The following AP3B1 variants were observed in gnomAD, a reference collection of about 807,000 sequenced individuals.
AP3B1 encodes the protein AP-3 complex subunit beta-1.
In AP3B1, 61 loss-of-function variants were observed where a neutral mutation model predicts 132.5. The observed-to-expected ratio is 0.46, with a 90% CI of 0.37 to 0.57. The LOEUF is 0.57. Ranked by LOEUF, AP3B1 falls within the 20% of genes least tolerant of loss-of-function variation. The pLI is 0.00. For missense variants in AP3B1, 1,120 were observed against 1,289.4 expected, an observed-to-expected ratio of 0.87 and a Z score of 2.01; for synonymous variants, 388 against 438.3, an observed-to-expected ratio of 0.89 and a Z score of 1.43.
chr5:78,159,995 T>C (rs1265879480), intron 13 of AP3B1, among the ~76,000 whole-genome samples: 2 of 152,176 alleles, frequency 1.3e-5, no homozygotes, highest in Non-Finnish European at 2.9e-5. Context: ...GGTGCACAGG[T>C]AGACTGGGTA....
At chr5:78,276,795 G>C (rs1327130403) in intron 1 of AP3B1, among the ~76,000 whole-genome samples, 1 of 151,876 alleles carries the variant, frequency 6.6e-6, no homozygotes, top group African/African-American at 2.4e-5. Context: ...CTTGAGTCTG[G>C]GAAGCTGAGG....
chr5:78,073,956 T>A (rs190923305), intron 22 of AP3B1, among the ~76,000 whole-genome samples: 164 of 152,278 alleles, frequency 1.1e-3, no homozygotes, highest in African/African-American at 3.8e-3. Flanking sequence ...TTGGGTGACC[T>A]GGGTTTTTTG....
At chr5:78,031,364 C>G (rs559474194) in intron 24 of AP3B1, among the ~76,000 whole-genome samples, 2 of 152,240 alleles carry the variant, frequency 1.3e-5, no homozygotes, top group South Asian at 2.1e-4. Context: ...CTGGCTTTAC[C>G]CTGGTGGTGA....
At chr5:78,072,105 A>G (rs1749566881) in intron 22 of AP3B1, among the ~76,000 whole-genome samples, 1 of 152,174 alleles carries the variant, frequency 6.6e-6, no homozygotes, top group African/African-American at 2.4e-5. Flanking sequence ...AAATGTATAC[A>G]GGAGCAGGGA....
In AP3B1 at chr5:78,002,487, T is replaced by C. The variant is rs554959862; in HGVS notation, c.*415A>G. 2.3e-6 allele frequency: 1 copy of C among 440,712 alleles called. No individual in the cohort carries two copies. The highest frequency in any genetic ancestry group is 4.0e-6 in the Non-Finnish European group (1 of 251,378). The allele number at this position is 440,712 out of a possible 1,614,324, so 27.3% of individuals were successfully genotyped here. The stretch of plus-strand genomic sequence containing the variant: ...AAAAGTATGTGATCTCATTTTCACA[T>C]ACCAAGCTGAGAGGCCATTTAGACT... On this transcript the variant is annotated 3_prime_UTR_variant, in exon 27 of 27. Transcript: ENST00000255194.
chr5:78,267,664 T>C (rs1400093158), intron 1 of AP3B1, 69 bp from the exon 2 acceptor site: 1 of 975,430 alleles, frequency 1.0e-6, no homozygotes, highest in Non-Finnish European at 1.6e-6. Context: ...AATATATCAT[T>C]TTCATAAGAA....
At chr5:78,194,934 T>C (rs558844381) in intron 7 of AP3B1, among the ~76,000 whole-genome samples, 1 of 152,308 alleles carries the variant, frequency 6.6e-6, no homozygotes, top group South Asian at 2.1e-4. Flanking sequence ...AAAATGAGTA[T>C]AAAATGTTCT....
intron 8 of AP3B1, among the ~76,000 whole-genome samples, chr5:78,178,013 GAA>G (rs1329403238): frequency 9.3e-5 from 14 of 150,742 alleles, no homozygotes; most frequent in African/African-American, 2.4e-4. Context: ...TACATCCTCA[GAA>G]AAAAAAAGAG....
At chr5:78,263,427 A>G (rs890492200) in intron 2 of AP3B1, among the ~76,000 whole-genome samples, 1 of 152,202 alleles carries the variant, frequency 6.6e-6, no homozygotes, top group Non-Finnish European at 1.5e-5. Flanking sequence ...TTTTCTACAT[A>G]TAAGATGATG....
At chr5:78,018,702 C>CACACACA (rs1554057856) in intron 25 of AP3B1, among the ~76,000 whole-genome samples, 29 of 140,572 alleles carry the variant, frequency 2.1e-4, no homozygotes, top group African/African-American at 8.4e-4. Context: ...ACACACACAC[C>CACACACA]CCTTAAATTT....
At chr5:78,265,424 C>A (rs1039268915) in intron 2 of AP3B1, among the ~76,000 whole-genome samples, 2 of 151,756 alleles carry the variant, frequency 1.3e-5, no homozygotes, top group East Asian at 1.9e-4. Context: ...GCCTGGACAA[C>A]AGAGCAAGAC....
intron 7 of AP3B1, among the ~76,000 whole-genome samples, chr5:78,198,449 C>T (rs1212012433): frequency 1.3e-5 from 2 of 152,152 alleles, no homozygotes; most frequent in African/African-American, 4.8e-5. Flanking sequence ...TGAAGGCCCT[C>T]CTCCTGGTGT....
intron 22 of AP3B1, 99 bp downstream of exon 22, chr5:78,089,294 T>C: frequency 1.1e-6 from 1 of 912,180 alleles, no homozygotes; most frequent in Non-Finnish European, 1.8e-6. Flanking sequence ...GAAGAATCTG[T>C]TCAAAACTAA....
intron 7 of AP3B1, among the ~76,000 whole-genome samples, chr5:78,197,652 A>G (rs1342048429): frequency 6.6e-6 from 1 of 152,224 alleles, no homozygotes; most frequent in African/African-American, 2.4e-5. Context: ...TTTTATCTGA[A>G]TGGATTTCCT....
chr5:78,038,426 C>T (rs1010025938), intron 23 of AP3B1, among the ~76,000 whole-genome samples: 1 of 152,138 alleles, frequency 6.6e-6, no homozygotes, highest in Admixed American at 6.6e-5. Context: ...ACATAAAATA[C>T]ACTAACCCTA....
chr5:78,232,914 C>T (rs757205876), intron 3 of AP3B1, among the ~76,000 whole-genome samples: 12 of 151,914 alleles, frequency 7.9e-5, no homozygotes, highest in African/African-American at 2.9e-4. Context: ...GCCATGCTGG[C>T]CAGACTAGTC....
intron 17 of AP3B1, chr5:78,122,001 A>C (rs865949360): frequency 8.5e-5 from 13 of 152,356 alleles, no homozygotes; most frequent in African/African-American, 1.7e-4. Context: ...ATCCACCATG[A>C]TCAAGTGGGC....
At chr5:78,144,907 C>G (rs1435622438) in intron 14 of AP3B1, among the ~76,000 whole-genome samples, 1 of 152,028 alleles carries the variant, frequency 6.6e-6, no homozygotes, top group South Asian at 2.1e-4. Context: ...AATCATTGCT[C>G]ACTACAACCT....
At chr5:78,126,463 C>G (rs1228089654) in intron 17 of AP3B1, among the ~76,000 whole-genome samples, 2 of 145,598 alleles carry the variant, frequency 1.4e-5, no homozygotes, top group African/African-American at 5.2e-5. Context: ...CAAGATCATG[C>G]CCCTGCACTG....
Sources: gnomAD v4.1 joint callset for allele counts (sites outside exome capture counted in the v4.1 genomes callset) on GRCh38, gnomAD v4.1.1 for gene constraint, MANE v1.5 for transcripts, NCBI Gene and HGNC (gene_info 2026-07-23, HGNC 2026-07-21) for gene names.